The following KCNQ1 variants were observed in gnomAD, a reference collection of about 807,000 sequenced individuals.
KCNQ1 encodes potassium voltage-gated channel subfamily Q member 1.
In KCNQ1, 49 loss-of-function variants were observed where a neutral mutation model predicts 72.4. The ratio of observed to expected loss-of-function variants is 0.68; its 90% CI spans 0.54 to 0.86. KCNQ1 has a LOEUF of 0.86. Ranked by LOEUF, KCNQ1 falls within the 40% of genes least tolerant of loss-of-function variation. KCNQ1 has a pLI of 0.00. For synonymous variants in KCNQ1, 450 were observed against 412.6 expected, an observed-to-expected ratio of 1.09 and a Z score of -1.10; for missense variants, 790 against 945.1, an observed-to-expected ratio of 0.84 and a Z score of 2.15.
rs540219079 is a variant in KCNQ1, at chr11:2,746,110, G to A, written c.1515-22734G>A. Among the ~76,000 whole-genome samples, 22 of 152,240 alleles carry A rather than the reference G, an allele frequency of 1.4e-4. No homozygotes were observed. Among genetic ancestry groups the A allele is most frequent in the African/African-American group, 4.3e-4 (18 of 41,546 alleles). ...TCACCATGCTGGCCAGGCTGATCTCGAACTCCTGGCCTCAAGTGATCCATC... is the reference window on the plus strand; with the variant it reads ...TCACCATGCTGGCCAGGCTGATCTCAAACTCCTGGCCTCAAGTGATCCATC... On this transcript the variant is annotated intron_variant, in intron 11 of 15. Coordinates refer to ENST00000155840, the MANE Select transcript of KCNQ1 (RefSeq NM_000218.3). The surrounding 1 kb of genome is among the most constrained non-coding windows in gnomAD (Gnocchi z 5.9).
rs1851190747 is a variant in KCNQ1, at chr11:2,720,885, G to A, written c.1515-47959G>A. Among the ~76,000 whole-genome samples, 1 of 152,022 alleles carries A rather than the reference G, an allele frequency of 6.6e-6. No individual in the cohort carries two copies. Among genetic ancestry groups the A allele is most frequent in the African/African-American group, 2.4e-5 (1 of 41,360 alleles). On this transcript the variant is annotated intron_variant, in intron 11 of 15. Transcript: ENST00000155840. The surrounding 1 kb of genome is among the most constrained non-coding windows in gnomAD (Gnocchi z 5.1). ...GGAGTTGGGGCCTGGCCTGGACCTCGAGGCCACTGGGGACTTGGCTACCTG... is the reference window on the plus strand; with the variant it reads ...GGAGTTGGGGCCTGGCCTGGACCTCAAGGCCACTGGGGACTTGGCTACCTG...
Position 2,668,047 on chromosome 11 carries a change from T to C in KCNQ1, c.1514+5966T>C. The C allele has an allele frequency of 2.5e-6, 1 of 398,600 alleles. No homozygotes were observed. Among genetic ancestry groups the C allele is most frequent in the Non-Finnish European group, 4.4e-6 (1 of 226,058 alleles). 24.7% of individuals were successfully genotyped at this position (398,600 alleles called of 1,614,324 possible). On this transcript the variant is annotated intron_variant, in intron 11 of 15. Transcript: ENST00000155840. This position sits in a 1 kb window ranked among gnomAD's most constrained non-coding sequence, Gnocchi z 4.3. ...CAGCAAGGACCAGCTTTGCCCACATTTGAACTTTATGCGGTGGGAATGATG... is the reference window on the plus strand; with the variant it reads ...CAGCAAGGACCAGCTTTGCCCACATCTGAACTTTATGCGGTGGGAATGATG...
Position 2,609,499 on chromosome 11 carries a change from G to C in KCNQ1, c.1393+20645G>C, listed in dbSNP as rs550470268. On this transcript the variant is annotated intron_variant, in intron 10 of 15. Coordinates refer to ENST00000155840, the MANE Select transcript of KCNQ1 (RefSeq NM_000218.3). Reference sequence around the variant, plus strand: ...TTGAAAATACTGTATATTCAATGTTGGTTGTTGGGCGAAGTGCTCTATAAT... The same window carrying C: ...TTGAAAATACTGTATATTCAATGTTCGTTGTTGGGCGAAGTGCTCTATAAT... 115 of 398,342 alleles carry C rather than the reference G, an allele frequency of 2.9e-4. 1 individual carries two copies. The highest frequency in any genetic ancestry group is 2.0e-3 in the South Asian group (16 of 7,844). 24.7% of individuals were successfully genotyped at this position (398,342 alleles called of 1,614,324 possible). A position where few individuals can be genotyped will look rare whatever the true frequency, so the allele number is the denominator to read the frequency against.
intron 11 of KCNQ1, chr11:2,666,333 A>G: frequency 2.5e-6 from 1 of 398,610 alleles, no homozygotes. Flanking sequence ...GGTGACTGTG[A>G]GCACCTCCCT....
chr11:2,635,031 T>C (rs1015935008), intron 10 of KCNQ1: 3 of 152,210 alleles, frequency 2.0e-5, no homozygotes. Flanking sequence ...ATAGGGTTGT[T>C]TGTTTTTTCT....
intron 10 of KCNQ1, among the ~76,000 whole-genome samples, chr11:2,606,495 C>T (rs999811538): frequency 2.0e-5 from 3 of 152,162 alleles, no homozygotes; most frequent in Non-Finnish European, 4.4e-5. Flanking sequence ...CTGCTACCTC[C>T]CTCCACCTTG....
intron 10 of KCNQ1, chr11:2,610,595 C>T (rs1848963850): frequency 2.5e-6 from 1 of 398,204 alleles, no homozygotes. Context: ...GAAGAACTTC[C>T]TCTAGTAGTT....
Position 2,661,911 on chromosome 11 carries a change from G to A in KCNQ1, c.1394-50G>A, listed in dbSNP as rs772268853. The A allele has an allele frequency of 6.2e-7, 1 of 1,613,540 alleles. No homozygotes were observed. The highest frequency in any genetic ancestry group is 8.5e-7 in the Non-Finnish European group (1 of 1,179,778). On this transcript the variant is annotated intron_variant, in intron 10 of 15. Coordinates refer to ENST00000155840, the MANE Select transcript of KCNQ1 (RefSeq NM_000218.3). This position sits in a 1 kb window ranked among gnomAD's most constrained non-coding sequence, Gnocchi z 5.9. ...CTCACAGGCCTGGCTCCACAGCACT[G>A]GCAGGTTGGGTGGGAGGCCTAACGT...
chr11:2,816,525 G>T lies in KCNQ1; in HGVS notation c.1795-31242G>T, dbSNP rs1446668844. ...GCTGTCCAGGAGTGGTGAAAAGCTG[G>T]ACTCTGACTGCCTGTCATCCAGAGG... is the stretch of plus-strand genomic sequence containing the variant. On this transcript the variant is annotated intron_variant, in intron 15 of 15. Coordinates refer to ENST00000155840, the MANE Select transcript of KCNQ1 (RefSeq NM_000218.3). This position sits in a 1 kb window ranked among gnomAD's most constrained non-coding sequence, Gnocchi z 6.8. Among the ~76,000 whole-genome samples the T allele has an allele frequency of 6.6e-6, 1 of 152,176 alleles. No homozygotes were observed. The highest frequency in any genetic ancestry group is 6.5e-5 in the Admixed American group (1 of 15,288).
rs922220399 is a variant in KCNQ1 at position 2,475,328 on chromosome 11, T to A, written c.386+29844T>A. ...CACGCAAGGGAATTCCCTTCCTTTC[T>A]GAGCTGAGTAGTGGTCTGTGGTGTG... On this transcript the variant is annotated intron_variant, in intron 1 of 15. Transcript: ENST00000155840. This position sits in a 1 kb window ranked among gnomAD's most constrained non-coding sequence, Gnocchi z 5.8. Among the ~76,000 whole-genome samples, 4 of 152,200 alleles carry A rather than the reference T, an allele frequency of 2.6e-5. No individual in the cohort carries two copies. Among genetic ancestry groups the A allele is most frequent in the African/African-American group, 9.7e-5 (4 of 41,442 alleles).
chr11:2,491,974 T>C lies in KCNQ1; in HGVS notation c.387-35954T>C, dbSNP rs997071798. Among the ~76,000 whole-genome samples, 2 of 152,178 alleles carry C rather than the reference T, an allele frequency of 1.3e-5. No homozygotes were observed. The highest frequency in any genetic ancestry group is 4.8e-5 in the African/African-American group (2 of 41,446). On this transcript the variant is annotated intron_variant, in intron 1 of 15. Transcript: ENST00000155840. This position sits in a 1 kb window ranked among gnomAD's most constrained non-coding sequence, Gnocchi z 4.1. Reference sequence around the variant, plus strand: ...AACTTTTGCTCTAGAATAGTATATCTGGTGAAAATATCCTTCCAACATGAA... The same window carrying C: ...AACTTTTGCTCTAGAATAGTATATCCGGTGAAAATATCCTTCCAACATGAA...
intron 1 of KCNQ1, among the ~76,000 whole-genome samples, chr11:2,467,982 G>C (rs563333565): frequency 3.3e-5 from 5 of 152,348 alleles, no homozygotes; most frequent in Admixed American, 6.5e-5. Context: ...GTGGCCCTGT[G>C]GGTGCAGGCC....
rs1435688244 is a variant in KCNQ1 at position 2,668,307 on chromosome 11, T to C, written c.1514+6226T>C. The C allele has an allele frequency of 5.0e-6, 2 of 398,532 alleles. No individual in the cohort carries two copies. Among genetic ancestry groups the C allele is most frequent in the Non-Finnish European group, 8.8e-6 (2 of 226,084 alleles). 24.7% of individuals were successfully genotyped at this position (398,532 alleles called of 1,614,324 possible). Reference sequence around the variant, plus strand: ...TTTGGTGAGCATCAGGTTGCGTTTCTGGGGAATATATGCCTATGTGTGGAG... The same window carrying C: ...TTTGGTGAGCATCAGGTTGCGTTTCCGGGGAATATATGCCTATGTGTGGAG... On this transcript the variant is annotated intron_variant, in intron 11 of 15. Coordinates refer to ENST00000155840, the MANE Select transcript of KCNQ1 (RefSeq NM_000218.3). The surrounding 1 kb of genome is among the most constrained non-coding windows in gnomAD (Gnocchi z 4.3).
In KCNQ1 at chr11:2,669,398, C is replaced by A. The variant is rs930450885; in HGVS notation, c.1514+7317C>A. 9.3e-5 allele frequency: 37 copies of A among 398,644 alleles called. No homozygotes were observed. Among genetic ancestry groups the A allele is most frequent in the Middle Eastern group, 1.3e-3 (2 of 1,588 alleles). 24.7% of individuals were successfully genotyped at this position (398,644 alleles called of 1,614,324 possible). On this transcript the variant is annotated intron_variant, in intron 11 of 15. Coordinates refer to ENST00000155840, the MANE Select transcript of KCNQ1 (RefSeq NM_000218.3). This position sits in a 1 kb window ranked among gnomAD's most constrained non-coding sequence, Gnocchi z 5.6. ...TAGTTTTGGGGCTCCTGAAACATGG[C>A]ATCATGTGTCCCTTGTTTATTTAGG...
At chr11:2,583,674 T>A in intron 7 of KCNQ1, 129 bp downstream of exon 7, 3 of 746,044 alleles carry the variant, frequency 4.0e-6, no homozygotes, top group Non-Finnish European at 7.3e-6. Context: ...TTCTAGAAGG[T>A]GCTATACTCC....
In KCNQ1 at chr11:2,724,726, GAGACAC is replaced by G. The variant is rs1223672175; in HGVS notation, c.1515-44115_1515-44110del. 2.0e-5 allele frequency among the ~76,000 whole-genome samples: 3 copies of G among 152,192 alleles called. No individual in the cohort carries two copies. Among genetic ancestry groups the G allele is most frequent in the Admixed American group, 6.5e-5 (1 of 15,284 alleles). On this transcript the variant is annotated intron_variant, in intron 11 of 15. Coordinates refer to ENST00000155840, the MANE Select transcript of KCNQ1 (RefSeq NM_000218.3). The surrounding 1 kb of genome is among the most constrained non-coding windows in gnomAD (Gnocchi z 6.8). ...AGGAGGACGTGGGGACCTGCCCAAG[GAGACAC>G]AGGCAACAGAACCAGGGCTCAGAGT...
At position 2,750,126 on chromosome 11, in the gene KCNQ1, G is replaced by A. The variant is rs773569876; in HGVS notation, c.1515-18718G>A. ...CTGGTGAAGCTGGGGAGAGACCTGCGCAACCCCACCTGAGTGAGGCACTGT... is the reference window on the plus strand; with the variant it reads ...CTGGTGAAGCTGGGGAGAGACCTGCACAACCCCACCTGAGTGAGGCACTGT... On this transcript the variant is annotated intron_variant, in intron 11 of 15. Transcript: ENST00000155840. The surrounding 1 kb of genome is among the most constrained non-coding windows in gnomAD (Gnocchi z 6.3). Among the ~76,000 whole-genome samples the A allele has an allele frequency of 1.7e-4, 26 of 152,272 alleles. No individual in the cohort carries two copies. The highest frequency in any genetic ancestry group is 3.9e-4 in the Admixed American group (6 of 15,292).
rs1042664343 is a variant in KCNQ1, at chr11:2,783,056, C to T, written c.1794+5019C>T. On this transcript the variant is annotated intron_variant, in intron 15 of 15. Transcript: ENST00000155840. The surrounding 1 kb of genome is among the most constrained non-coding windows in gnomAD (Gnocchi z 5.2). ...CTTTTCGTTTTAATTTTTCTAACCA[C>T]TGTCAATCTCATGGCTTTCTAAATT... 1.3e-4 allele frequency among the ~76,000 whole-genome samples: 20 copies of T among 152,152 alleles called. No homozygotes were observed. Among genetic ancestry groups the T allele is most frequent in the African/African-American group, 4.8e-4 (20 of 41,444 alleles).
At chr11:2,773,517 C>T (rs1028676963) in intron 12 of KCNQ1, among the ~76,000 whole-genome samples, 3 of 149,970 alleles carry the variant, frequency 2.0e-5, no homozygotes, top group African/African-American at 7.4e-5. Flanking sequence ...AAAGGAGGAT[C>T]AGGGCTCAGC....
Sources: gnomAD v4.1 joint callset for allele counts (sites outside exome capture counted in the v4.1 genomes callset) on GRCh38, gnomAD v4.1.1 for gene constraint, Gnocchi (gnomAD v3.1) non-coding constraint, MANE v1.5 for transcripts, NCBI Gene and HGNC (gene_info 2026-07-23, HGNC 2026-07-21) for gene names.